The following ZNRF3 variants were observed in gnomAD, a reference collection of about 807,000 sequenced individuals.
The protein encoded by ZNRF3 is E3 ubiquitin-protein ligase ZNRF3.
A neutral mutation model predicts 72.5 loss-of-function variants in ZNRF3; 23 were observed. That is an observed-to-expected ratio of 0.32 (90% CI 0.23 to 0.45). The LOEUF (loss-of-function observed/expected upper bound fraction) is 0.45. Among genes scored for constraint, ZNRF3 ranks in the 20% least tolerant of loss-of-function variants. The pLI, the probability that ZNRF3 is intolerant of heterozygous loss-of-function variation, is 1.00. For missense variants in ZNRF3, 1,169 were observed against 1,272.1 expected (o/e 0.92, Z 1.23); for synonymous variants, 610 against 545.3 (o/e 1.12, Z -1.65).
chr22:28,933,934 G>A (rs1358354907), intron 1 of ZNRF3, among the ~76,000 whole-genome samples: 1 of 151,742 alleles, frequency 6.6e-6, no homozygotes, highest in Non-Finnish European at 1.5e-5. Flanking sequence ...GTGGGGTGCA[G>A]TTAAACATGG....
intron 1 of ZNRF3, among the ~76,000 whole-genome samples, chr22:28,897,189 A>C (rs2034013443): frequency 6.6e-6 from 1 of 152,124 alleles, no homozygotes; most frequent in Non-Finnish European, 1.5e-5. Context: ...GTTGCTTACT[A>C]CTGAGCTGTG....
chr22:28,990,790 T>C (rs2035939016), intron 2 of ZNRF3, among the ~76,000 whole-genome samples: 1 of 152,180 alleles, frequency 6.6e-6, no homozygotes, highest in South Asian at 2.1e-4. Flanking sequence ...AATCAGTGTT[T>C]ATTAAGCATC....
chr22:29,020,301 C>T (rs897253178), intron 2 of ZNRF3, among the ~76,000 whole-genome samples: 6 of 134,518 alleles, frequency 4.5e-5, no homozygotes, highest in East Asian at 2.4e-4. Flanking sequence ...TGCTTTGTCA[C>T]CCAGGCTGGA....
chr22:28,959,636 C>T (rs1347259354), intron 1 of ZNRF3, among the ~76,000 whole-genome samples: 3 of 152,230 alleles, frequency 2.0e-5, no homozygotes, highest in East Asian at 1.9e-4. Flanking sequence ...TATGATGGAC[C>T]GAATATTCAT....
intron 1 of ZNRF3, among the ~76,000 whole-genome samples, chr22:28,954,680 G>T (rs2035224255): frequency 6.6e-6 from 1 of 152,110 alleles, no homozygotes; most frequent in South Asian, 2.1e-4. Context: ...CCAGGCTGGA[G>T]TGCAGTCCAT....
intron 2 of ZNRF3, among the ~76,000 whole-genome samples, chr22:29,004,150 C>T (rs980497989): frequency 3.9e-5 from 6 of 152,238 alleles, no homozygotes; most frequent in Admixed American, 6.5e-5. Flanking sequence ...CAGCAAGGCC[C>T]GGCTGAGAAG....
intron 2 of ZNRF3, among the ~76,000 whole-genome samples, chr22:29,014,305 C>A (rs2036396467): frequency 6.6e-6 from 1 of 152,142 alleles, no homozygotes; most frequent in African/African-American, 2.4e-5. Flanking sequence ...TGATGTTGTT[C>A]AGTCATCTGA....
At chr22:28,910,229 C>T (rs548399555) in intron 1 of ZNRF3, among the ~76,000 whole-genome samples, 7 of 152,098 alleles carry the variant, frequency 4.6e-5, no homozygotes, top group African/African-American at 1.2e-4. Flanking sequence ...TTAGTAGAGA[C>T]GGGGTTTCAC....
chr22:28,906,441 C>T (rs1316300106), intron 1 of ZNRF3, among the ~76,000 whole-genome samples: 1 of 152,194 alleles, frequency 6.6e-6, no homozygotes, highest in Non-Finnish European at 1.5e-5. Flanking sequence ...ATCCCTGAGA[C>T]CAGATAGGCC....
At chr22:28,936,796 T>C (rs1289308234) in intron 1 of ZNRF3, among the ~76,000 whole-genome samples, 1 of 152,154 alleles carries the variant, frequency 6.6e-6, no homozygotes, top group Non-Finnish European at 1.5e-5. Context: ...CGACTGCCTC[T>C]GAGAGTAGAG....
intron 2 of ZNRF3, among the ~76,000 whole-genome samples, chr22:29,004,301 T>C (rs1183787894): frequency 2.6e-5 from 4 of 152,248 alleles, no homozygotes; most frequent in Admixed American, 6.5e-5. Context: ...ATATTGCTTC[T>C]TCTTCCTTGC....
At chr22:29,045,889 T>C (rs759027969) in intron 5 of ZNRF3, among the ~76,000 whole-genome samples, 17 of 152,190 alleles carry the variant, frequency 1.1e-4, no homozygotes, top group Non-Finnish European at 2.2e-4. Flanking sequence ...TATTCTGGCA[T>C]GATTGAGAAG....
At chr22:28,890,924 A>T (rs1048818976) in intron 1 of ZNRF3, among the ~76,000 whole-genome samples, 1 of 151,876 alleles carries the variant, frequency 6.6e-6, no homozygotes. Context: ...TACCGAGCTA[A>T]TTTTTTATTT....
At chr22:28,930,539 T>G (rs1194449193) in intron 1 of ZNRF3, among the ~76,000 whole-genome samples, 1 of 152,228 alleles carries the variant, frequency 6.6e-6, no homozygotes, top group African/African-American at 2.4e-5. Context: ...GACAAGCCCA[T>G]CAGTAGGCAC....
chr22:28,999,486 G>T (rs2036107095), intron 2 of ZNRF3, among the ~76,000 whole-genome samples: 1 of 152,130 alleles, frequency 6.6e-6, no homozygotes, highest in Non-Finnish European at 1.5e-5. Flanking sequence ...CTCAAAGAAA[G>T]CTACTGAACT....
At chr22:29,036,371 T>A (rs1480476001) in intron 2 of ZNRF3, among the ~76,000 whole-genome samples, 1 of 152,198 alleles carries the variant, frequency 6.6e-6, no homozygotes. Flanking sequence ...ACACAGGAAC[T>A]GGACCTTGAA....
At chr22:28,893,313 C>T (rs2123745371) in intron 1 of ZNRF3, among the ~76,000 whole-genome samples, 1 of 152,176 alleles carries the variant, frequency 6.6e-6, no homozygotes, top group Non-Finnish European at 1.5e-5. Context: ...TGTCAGCAAA[C>T]ATTTATTGAA....
At chr22:28,955,084 A>T (rs1180407066) in intron 1 of ZNRF3, among the ~76,000 whole-genome samples, 2 of 135,650 alleles carry the variant, frequency 1.5e-5, no homozygotes, top group Non-Finnish European at 3.1e-5. Flanking sequence ...TCTGTCGCCC[A>T]GGCTGGAGTA....
chr22:28,966,634 TAAAA>T (rs982201875), intron 1 of ZNRF3, among the ~76,000 whole-genome samples: 1 of 147,078 alleles, frequency 6.8e-6, no homozygotes, highest in Non-Finnish European at 1.5e-5. Context: ...TTTAAAAAAG[TAAAA>T]AAAAAAGTTT....
Sources: gnomAD v4.1 joint callset for allele counts (sites outside exome capture counted in the v4.1 genomes callset) on GRCh38, gnomAD v4.1.1 for gene constraint, MANE v1.5 for transcripts, NCBI Gene and HGNC (gene_info 2026-07-23, HGNC 2026-07-21) for gene names.